Variants in COL4A1 observed in about 807,000 individuals in gnomAD.
COL4A1 encodes collagen type IV alpha 1 chain.
In COL4A1, 40 loss-of-function variants were observed where a neutral mutation model predicts 216.6. That is an observed-to-expected ratio of 0.18 (90% confidence interval 0.14 to 0.24). The LOEUF is 0.24. Ranked by LOEUF, COL4A1 falls within the 10% of genes least tolerant of loss-of-function variation. The pLI, the probability that COL4A1 is intolerant of heterozygous loss-of-function variation, is 1.00. For missense variants in COL4A1, 1,628 were observed against 2,196.8 expected (o/e 0.74, Z 5.18); for synonymous variants, 839 against 810.7 (o/e 1.03, Z -0.59).
At chr13:110,189,541 A>G (rs1482037632) in intron 24 of COL4A1, among the ~76,000 whole-genome samples, 1 of 152,184 alleles carries the variant, frequency 6.6e-6, no homozygotes, top group Non-Finnish European at 1.5e-5. Flanking sequence ...GGATCTACTC[A>G]GGAAAGGTGG....
In COL4A1 at chr13:110,152,380, C is replaced by T. The variant is rs144201848; in HGVS notation, c.4882G>A (p.Ala1628Thr). ...ATGGTGGCGAGCCAAAAGCTGTAAG[C>T]GTTTGCGTAGTAATTGCAGGTCCCA... ...GRGTCNYYANAYSFWLATIER... is the reference protein window; with the variant it reads ...GRGTCNYYANTYSFWLATIER... Residue 1628 changes from alanine to threonine, a missense_variant, in exon 51 of 52, where the codon GCT (alanine) becomes ACT (threonine). Physicochemically the swap from Ala to Thr is moderately conservative, Grantham distance 58 (BLOSUM62 0). Transcript: ENST00000375820. 45 of 1,614,048 alleles carry T rather than the reference C, an allele frequency of 2.8e-5. No homozygotes were observed. The highest frequency in any genetic ancestry group is 1.8e-4 in the Admixed American group (11 of 60,010).
intron 49 of COL4A1, among the ~76,000 whole-genome samples, chr13:110,157,543 G>A (rs1429554387): frequency 6.6e-6 from 1 of 152,226 alleles, no homozygotes; most frequent in African/African-American, 2.4e-5. Context: ...TCTACGAGAG[G>A]GAAGTAGAGG....
chr13:110,154,560 G>A (rs1486169180), intron 50 of COL4A1, among the ~76,000 whole-genome samples: 4 of 152,268 alleles, frequency 2.6e-5, no homozygotes, highest in Non-Finnish European at 5.9e-5. Flanking sequence ...TTCCCTGAAA[G>A]AGGCCTCCAC....
chr13:110,202,261 G>A (rs1031734584), intron 18 of COL4A1, among the ~76,000 whole-genome samples: 2 of 149,360 alleles, frequency 1.3e-5, no homozygotes, highest in Admixed American at 6.6e-5. Flanking sequence ...AAAAAAAGTA[G>A]GCGCTTCCTT....
chr13:110,225,451 C>G (rs908088828), intron 2 of COL4A1, among the ~76,000 whole-genome samples: 1 of 152,158 alleles, frequency 6.6e-6, no homozygotes, highest in African/African-American at 2.4e-5. Flanking sequence ...AGCGTGGTGG[C>G]ACACGCCTGT....
At chr13:110,157,643 T>TA (rs1220879252) in intron 49 of COL4A1, among the ~76,000 whole-genome samples, 2 of 152,176 alleles carry the variant, frequency 1.3e-5, no homozygotes, top group Non-Finnish European at 2.9e-5. Context: ...CAGGAAGACA[T>TA]AAAAATCTGG....
At chr13:110,282,113 C>G (rs558330467) in intron 1 of COL4A1, among the ~76,000 whole-genome samples, 1 of 152,218 alleles carries the variant, frequency 6.6e-6, no homozygotes, top group Non-Finnish European at 1.5e-5. Context: ...GTGTATAAAA[C>G]TTTTACAATT....
Position 110,161,199 on chromosome 13 carries a change from T to A in COL4A1, c.4633A>T (p.Ile1545Phe), listed in dbSNP as rs763418313. The part of the protein sequence containing the change: ...PITGENIRPF[I>F]SRCAVCEAPA... ...TACAGATGCTCGACTCACCTACTAA[T>A]AAATGGTCTTATGTTTTCCCCCGTG... The change falls in exon 49 of 52, where the codon ATT becomes TTT. Residue 1545 changes from isoleucine (I) to phenylalanine (F), a missense_variant. Physicochemically the swap from Ile to Phe is conservative, Grantham distance 21. Around this residue, in one of 8 missense-constraint regions of COL4A1, gnomAD observed 254 missense variants for 300.1 expected, o/e 0.85. Coordinates refer to ENST00000375820, the MANE Select transcript of COL4A1 (RefSeq NM_001845.6). The A allele has an allele frequency of 6.2e-7, 1 of 1,614,214 alleles. No homozygotes were observed.
At position 110,187,196 on chromosome 13, in the gene COL4A1, C is replaced by G. The variant is rs781701789; in HGVS notation, c.1670G>C (p.Arg557Thr). The G allele has an allele frequency of 5.0e-6, 8 of 1,614,018 alleles. No homozygotes were observed. In the South Asian group the frequency reaches 7.7e-5, roughly 16 times the overall value. The change falls in exon 25 of 52, where the codon AGA (arginine) becomes ACA (threonine). Residue 557 changes from arginine to threonine, a missense_variant. Coordinates refer to ENST00000375820, the MANE Select transcript of COL4A1 (RefSeq NM_001845.6). ...GFPGQPGMPG[R>T]AGSPGRDGHP... is the part of the protein sequence containing the mutation. ...GCCATCTCTTCCAGGAGAACCCGCT[C>G]TCCCTGGCATGCCGGGCTGTCCTGG...
chr13:110,163,662 TAA>T, intron 46 of COL4A1, 101 bp from the exon 47 acceptor site: 1 of 1,161,432 alleles, frequency 8.6e-7, no homozygotes, highest in African/African-American at 1.5e-5. Context: ...GAGCCAAGCA[TAA>T]AGTCTCACTG....
rs1323198098 is a variant in COL4A1 at position 110,178,085 on chromosome 13, G to A, written c.2605C>T (p.Pro869Ser). 3 of 1,614,016 alleles carry A rather than the reference G, an allele frequency of 1.9e-6. No homozygotes were observed. In the African/African-American group the frequency reaches 4.0e-5, roughly 22 times the overall value. ...LPGLPGQQGAPGIPGFPGSKG... is the reference protein window; with the variant it reads ...LPGLPGQQGASGIPGFPGSKG... ...TTACCTGGAAACCCAGGAATCCCAGGAGCCCCCTGCTGTCCAGGAAGGCCA... is the reference window on the plus strand; with the variant it reads ...TTACCTGGAAACCCAGGAATCCCAGAAGCCCCCTGCTGTCCAGGAAGGCCA... The change falls in exon 32 of 52, where the codon CCT (proline) becomes TCT (serine). Residue 869 changes from proline to serine, a missense_variant. Pro to Ser is a moderately conservative substitution (Grantham distance 74). This residue lies in a region of COL4A1 where 701 missense variants were observed against 892.5 expected (regional missense o/e 0.79). Transcript: ENST00000375820.
At chr13:110,189,246 G>T (rs1566360378) in intron 24 of COL4A1, among the ~76,000 whole-genome samples, 2 of 152,240 alleles carry the variant, frequency 1.3e-5, no homozygotes, top group East Asian at 3.9e-4. Flanking sequence ...TATTTTTAGT[G>T]GAGACGGGGT....
chr13:110,249,274 C>T (rs1227008390), intron 1 of COL4A1, among the ~76,000 whole-genome samples: 1 of 151,936 alleles, frequency 6.6e-6, no homozygotes, highest in Non-Finnish European at 1.5e-5. Context: ...CGGGTGTATA[C>T]GTCGGTAAAA....
At chr13:110,247,697 C>T (rs61963326) in intron 1 of COL4A1, among the ~76,000 whole-genome samples, 19,616 of 151,624 alleles carry the variant, frequency 0.13, 1,512 homozygotes, top group Non-Finnish European at 0.18. Context: ...CAGTGAATTC[C>T]ATTCCAGAGG....
chr13:110,209,813 C>A (rs745429223), intron 10 of COL4A1, 167 bp downstream of exon 10: 1 of 853,452 alleles, frequency 1.2e-6, no homozygotes, highest in Non-Finnish European at 2.0e-6. Context: ...TATATGGGTA[C>A]CGGGATGCCA....
At chr13:110,282,110 A>C (rs1883655519) in intron 1 of COL4A1, among the ~76,000 whole-genome samples, 1 of 152,212 alleles carries the variant, frequency 6.6e-6, no homozygotes, top group Non-Finnish European at 1.5e-5. Flanking sequence ...CTAGTGTATA[A>C]AACTTTTACA....
At chr13:110,177,456 T>C (rs566464809) in intron 33 of COL4A1, among the ~76,000 whole-genome samples, 13 of 152,356 alleles carry the variant, frequency 8.5e-5, no homozygotes, top group African/African-American at 2.2e-4. Context: ...AGACATTATT[T>C]TGGAACAACT....
intron 8 of COL4A1, among the ~76,000 whole-genome samples, chr13:110,210,881 C>G (rs1323459512): frequency 6.6e-6 from 1 of 152,112 alleles, no homozygotes; most frequent in African/African-American, 2.4e-5. Flanking sequence ...AACTCCACCC[C>G]TTCTCTGGTG....
At chr13:110,186,357 G>A (rs752788071) in intron 26 of COL4A1, 28 bp downstream of exon 26, 8 of 1,611,736 alleles carry the variant, frequency 5.0e-6, no homozygotes, top group African/African-American at 1.3e-5. Flanking sequence ...ACAACTTCAT[G>A]CTGCATCACG....
Sources: gnomAD v4.1 joint callset for allele counts (sites outside exome capture counted in the v4.1 genomes callset) on GRCh38, gnomAD v4.1.1 for gene constraint, gnomAD v4.1.1 regional missense constraint, MANE v1.5 for transcripts, NCBI Gene and HGNC (gene_info 2026-07-23, HGNC 2026-07-21) for gene names.